CSMD1: variants seen among roughly 807,000 people sequenced by gnomAD.
CSMD1 encodes the protein CUB and Sushi multiple domains 1.
A neutral mutation model predicts 417.5 loss-of-function variants in CSMD1; 213 were observed. That is an observed-to-expected ratio of 0.51 (90% CI 0.46 to 0.57). The LOEUF is 0.57. Ranked by LOEUF, CSMD1 falls within the 20% of genes least tolerant of loss-of-function variation. CSMD1 has a pLI of 0.00. For missense variants in CSMD1, 6,923 were observed against 4,529.7 expected (o/e 1.53, Z -15.17); for synonymous variants, 2,862 against 1,736.8 (o/e 1.65, Z -16.11).
At chr8:3,065,943 CAG>C (rs1160952551) in intron 49 of CSMD1, among the ~76,000 whole-genome samples, 2 of 152,222 alleles carry the variant, frequency 1.3e-5, no homozygotes. Flanking sequence ...CTAAGCCAGC[CAG>C]AGTCTTTCTC....
intron 7 of CSMD1, among the ~76,000 whole-genome samples, chr8:3,698,633 G>C (rs1314230375): frequency 1.3e-5 from 2 of 152,144 alleles, no homozygotes; most frequent in South Asian, 4.1e-4. Context: ...CTAAAAGCAA[G>C]ACCTGATGAT....
At chr8:3,923,704 A>T (rs369854244) in intron 5 of CSMD1, among the ~76,000 whole-genome samples, 40 of 152,220 alleles carry the variant, frequency 2.6e-4, no homozygotes, top group East Asian at 2.5e-3. Flanking sequence ...TGTACAATAA[A>T]TCTCTAGTTC....
chr8:4,700,212 A>G (rs146560161), intron 1 of CSMD1, among the ~76,000 whole-genome samples: 35 of 152,310 alleles, frequency 2.3e-4, no homozygotes, highest in African/African-American at 7.7e-4. Flanking sequence ...GAAAAATAAT[A>G]AAACCAAGCA....
At chr8:3,921,163 T>G (rs1046091821) in intron 5 of CSMD1, among the ~76,000 whole-genome samples, 4 of 152,158 alleles carry the variant, frequency 2.6e-5, no homozygotes, top group African/African-American at 9.6e-5. Context: ...CCCTTTGAGA[T>G]TTTCTGTTTA....
At chr8:3,671,536 TATATATATGATCATATATATGATC>T (rs1473679555) in intron 7 of CSMD1, among the ~76,000 whole-genome samples, 1,358 of 6,490 alleles carry the variant, frequency 0.21, 244 homozygotes, top group African/African-American at 0.35. Flanking sequence ...ATCATATATA[TATATATATGATCATATATATGATC>T]ATATATATAT....
chr8:3,397,483 C>G (rs775067306), intron 16 of CSMD1, among the ~76,000 whole-genome samples: 8 of 152,104 alleles, frequency 5.3e-5, no homozygotes, highest in Non-Finnish European at 1.2e-4. Flanking sequence ...TACCCTGGGC[C>G]CCATTCTTCC....
chr8:3,982,517 T>C (rs949575234), intron 5 of CSMD1, among the ~76,000 whole-genome samples: 1 of 152,124 alleles, frequency 6.6e-6, no homozygotes. Flanking sequence ...ATAAATTATG[T>C]GCATACCATT....
At chr8:3,691,110 T>A (rs1441014565) in intron 7 of CSMD1, among the ~76,000 whole-genome samples, 3 of 152,234 alleles carry the variant, frequency 2.0e-5, no homozygotes, top group African/African-American at 7.2e-5. Context: ...CTCACACCTG[T>A]AACCCCAGCA....
At chr8:4,971,688 AAT>A (rs5889080) in intron 1 of CSMD1, among the ~76,000 whole-genome samples, 64,787 of 148,844 alleles carry the variant, frequency 0.44, 14,759 homozygotes, top group South Asian at 0.61. Context: ...ACTATTCTGA[AAT>A]ATATATATAT....
intron 1 of CSMD1, among the ~76,000 whole-genome samples, chr8:4,773,688 AC>A (rs1402186441): frequency 6.6e-6 from 1 of 152,180 alleles, no homozygotes; most frequent in Non-Finnish European, 1.5e-5. Context: ...CAGGCTTTGC[AC>A]GCCACGCTAG....
At chr8:3,316,841 A>T (rs780313075) in intron 23 of CSMD1, among the ~76,000 whole-genome samples, 1 of 152,144 alleles carries the variant, frequency 6.6e-6, no homozygotes, top group East Asian at 1.9e-4. Flanking sequence ...TGACACAAGT[A>T]TATTCGTATT....
intron 23 of CSMD1, among the ~76,000 whole-genome samples, chr8:3,340,724 T>C (rs1024248042): frequency 6.6e-5 from 10 of 152,208 alleles, no homozygotes; most frequent in Admixed American, 5.2e-4. Flanking sequence ...AACAATTTAA[T>C]GTGAGGTTAA....
chr8:4,321,586 G>A (rs1799277921), intron 3 of CSMD1, among the ~76,000 whole-genome samples: 1 of 152,094 alleles, frequency 6.6e-6, no homozygotes, highest in African/African-American at 2.4e-5. Flanking sequence ...TGAGTATCTG[G>A]TATATAACAG....
chr8:3,162,194 G>T lies in CSMD1; in HGVS notation c.5809C>A (p.Leu1937Ile), dbSNP rs1819939924. The change falls in exon 38 of 70, where the codon CTC becomes ATC. Residue 1937 changes from leucine to isoleucine, a missense_variant. Leu to Ile is a conservative substitution (Grantham distance 5, BLOSUM62 2). Transcript: ENST00000635120. The stretch of plus-strand genomic sequence containing the variant: ...TACCCGGGCTCGCACTGGAAGGAGA[G>T]CACGTCGTTCACCATGTACCGATCT... ...IGDRYMVNDV[L>I]SFQCEPGYTL... The T allele has an allele frequency of 6.2e-7, 1 of 1,610,324 alleles. No homozygotes were observed.
At chr8:3,359,563 C>A in intron 20 of CSMD1, among the ~76,000 whole-genome samples, 1 of 145,836 alleles carries the variant, frequency 6.9e-6, no homozygotes, top group Non-Finnish European at 1.5e-5. Flanking sequence ...TAAGAATTGA[C>A]AGGTAAGAAT....
At chr8:4,484,053 A>C (rs1801240195) in intron 2 of CSMD1, among the ~76,000 whole-genome samples, 1 of 152,160 alleles carries the variant, frequency 6.6e-6, no homozygotes, top group African/African-American at 2.4e-5. Flanking sequence ...TAGTCTGCCA[A>C]GCAATACCTC....
chr8:3,038,086 G>T (rs1347867607), intron 50 of CSMD1, among the ~76,000 whole-genome samples: 2 of 151,846 alleles, frequency 1.3e-5, no homozygotes, highest in East Asian at 3.9e-4. Flanking sequence ...AGCAGACTTA[G>T]ATCCTGGAAT....
At chr8:4,694,182 GCTCT>G (rs1806963526) in intron 1 of CSMD1, among the ~76,000 whole-genome samples, 2 of 152,100 alleles carry the variant, frequency 1.3e-5, no homozygotes, top group South Asian at 2.1e-4. Flanking sequence ...CCTTCCTTCT[GCTCT>G]CTGAAATAAA....
chr8:4,359,316 TGC>T (rs1801617115), intron 3 of CSMD1, among the ~76,000 whole-genome samples: 1 of 152,246 alleles, frequency 6.6e-6, no homozygotes. Context: ...TGCATTATTG[TGC>T]AGGGGCCAAA....
Sources: gnomAD v4.1 joint callset for allele counts (sites outside exome capture counted in the v4.1 genomes callset) on GRCh38, gnomAD v4.1.1 for gene constraint, MANE v1.5 for transcripts, NCBI Gene and HGNC (gene_info 2026-07-23, HGNC 2026-07-21) for gene names.